The following PRKN variants were observed in gnomAD, a reference collection of about 807,000 sequenced individuals.
PRKN encodes the protein E3 ubiquitin-protein ligase parkin.
PRKN carries 56 observed loss-of-function variants against 59.5 expected under a neutral mutation model. The ratio of observed to expected loss-of-function variants is 0.94; its 90% CI spans 0.76 to 1.18. The LOEUF (loss-of-function observed/expected upper bound fraction) is 1.18. Among genes scored for constraint, PRKN ranks in the 50% most tolerant of loss-of-function variants. The probability of loss-of-function intolerance (pLI) is 0.00; values close to 1 mark genes in which losing one functional copy is unlikely to be tolerated. For missense variants in PRKN, 657 were observed against 596.4 expected (o/e 1.10, Z -1.06); for synonymous variants, 250 against 222.1 (o/e 1.13, Z -1.12).
At position 162,583,272 on chromosome 6, in the gene PRKN, G is replaced by A. The variant is rs1780860224; in HGVS notation, c.8-139799C>T. ...CACATTACCTAGTCTGTGATATTCT[G>A]TTATAGCAGCATAAATGCACTAAGA... On this transcript the variant is annotated intron_variant, in intron 1 of 11. Coordinates refer to ENST00000366898, the MANE Select transcript of PRKN (RefSeq NM_004562.3). Among the ~76,000 whole-genome samples the A allele has an allele frequency of 2.6e-5, 4 of 152,296 alleles. No individual in the cohort carries two copies. In the East Asian group the frequency reaches 5.8e-4, roughly 22 times the overall value.
intron 1 of PRKN, among the ~76,000 whole-genome samples, chr6:162,715,195 AC>A (rs1012254885): frequency 6.6e-6 from 1 of 152,288 alleles, no homozygotes; most frequent in Non-Finnish European, 1.5e-5. Context: ...GTGGGGCCCC[AC>A]CCCAAAGGTT....
chr6:162,089,279 C>A (rs930578737), intron 4 of PRKN, among the ~76,000 whole-genome samples: 1 of 151,950 alleles, frequency 6.6e-6, no homozygotes, highest in African/African-American at 2.4e-5. Flanking sequence ...TACAAATGGC[C>A]CAATAAACTC....
chr6:162,685,203 A>G (rs2128233734), intron 1 of PRKN, among the ~76,000 whole-genome samples: 1 of 152,268 alleles, frequency 6.6e-6, no homozygotes. Context: ...TATGCCACGA[A>G]GCATGTTGCA....
Position 161,538,825 on chromosome 6 carries a change from C to G in PRKN, c.1083+10029G>C, listed in dbSNP as rs1330161719. On this transcript the variant is annotated intron_variant, in intron 9 of 11. Transcript: ENST00000366898. This position sits in a 1 kb window ranked among gnomAD's most constrained non-coding sequence, Gnocchi z 4.2. The stretch of plus-strand genomic sequence containing the variant: ...AATAACTGATCGACTTAGCCTTTCC[C>G]AGTGGAATGTTGGACAAGCGAGAGA... 1.3e-5 allele frequency among the ~76,000 whole-genome samples: 2 copies of G among 152,146 alleles called. No individual in the cohort carries two copies. The highest frequency in any genetic ancestry group is 3.9e-4 in the East Asian group (2 of 5,186).
At chr6:162,520,264 T>A (rs951158043) in intron 1 of PRKN, among the ~76,000 whole-genome samples, 1 of 152,236 alleles carries the variant, frequency 6.6e-6, no homozygotes, top group Non-Finnish European at 1.5e-5. Context: ...AAAATTAACA[T>A]AAATTTCATT....
chr6:162,609,610 A>G (rs552344939), intron 1 of PRKN, among the ~76,000 whole-genome samples: 1 of 152,332 alleles, frequency 6.6e-6, no homozygotes, highest in African/African-American at 2.4e-5. Context: ...TTGTAGGATC[A>G]AAATCAACAT....
At position 162,714,603 on chromosome 6, in the gene PRKN, A is replaced by G. The variant is rs7748649; in HGVS notation, c.7+13059T>C. Among the ~76,000 whole-genome samples, 474 of 152,316 alleles carry G rather than the reference A, an allele frequency of 3.1e-3. 2 individuals carry two copies. Among genetic ancestry groups the G allele is most frequent in the African/African-American group, 0.01 (430 of 41,572 alleles). On this transcript the variant is annotated intron_variant, in intron 1 of 11. Transcript: ENST00000366898. ...TTAAATTGAAATGATTGGATCAAGA[A>G]AAATCAAATGTTTTAACATTTAGTT...
intron 4 of PRKN, among the ~76,000 whole-genome samples, chr6:162,102,480 T>C (rs1016723773): frequency 6.6e-6 from 1 of 152,224 alleles, no homozygotes; most frequent in Non-Finnish European, 1.5e-5. Flanking sequence ...ACATTATTAA[T>C]CTTAAAAGAT....
rs1562455620 is a variant in PRKN, at chr6:161,447,167, C to A, written c.1084-60290G>T. ...TTTCCTGCTACTAGGACAGTTAAGT[C>A]CCCCTGTGAAGTTAACCGAAAGCTG... On this transcript the variant is annotated intron_variant, in intron 9 of 11. Coordinates refer to ENST00000366898, the MANE Select transcript of PRKN (RefSeq NM_004562.3). The surrounding 1 kb of genome is among the most constrained non-coding windows in gnomAD (Gnocchi z 4.1). 2.0e-5 allele frequency among the ~76,000 whole-genome samples: 3 copies of A among 152,154 alleles called. No individual in the cohort carries two copies. The highest frequency in any genetic ancestry group is 4.4e-5 in the Non-Finnish European group (3 of 68,024).
chr6:162,390,396 T>TATATATATATATATATATATATATAC lies in PRKN; in HGVS notation c.171+52913_171+52914insGTATATATATATATATATATATATAT, dbSNP rs1180636201. On this transcript the variant is annotated intron_variant, in intron 2 of 11. Coordinates refer to ENST00000366898, the MANE Select transcript of PRKN (RefSeq NM_004562.3). ...TAAGGTATATATATATATATATATATACACACACACACACACACACACACA... is the reference window on the plus strand; with the variant it reads ...TAAGGTATATATATATATATATATATATATATATATATATATATATATATACACACACACACACACACACACACACA... 8.9e-3 allele frequency among the ~76,000 whole-genome samples: 738 copies of TATATATATATATATATATATATATAC among 83,328 alleles called. 2 individuals are homozygous for TATATATATATATATATATATATATAC. The highest frequency in any genetic ancestry group is 0.012 in the Non-Finnish European group (499 of 40,970). 54.7% of individuals were successfully genotyped at this position (83,328 alleles called of 152,430 possible). A position where few individuals can be genotyped will look rare whatever the true frequency, so the allele number is the denominator to read the frequency against.
chr6:161,511,033 A>C (rs2115331562), intron 9 of PRKN, among the ~76,000 whole-genome samples: 1 of 152,348 alleles, frequency 6.6e-6, no homozygotes, highest in South Asian at 2.1e-4. Context: ...GCTATAGAAA[A>C]TGAAGTAATC....
rs1228865937 is a variant in PRKN, at chr6:161,484,538, G to A, written c.1083+64316C>T. On this transcript the variant is annotated intron_variant, in intron 9 of 11. Transcript: ENST00000366898. The surrounding 1 kb of genome is among the most constrained non-coding windows in gnomAD (Gnocchi z 4.9). ...CATGGGATTCACTCTTTTTAAAGATGAGACAGTTGACACTTGGGAAGCTTA... is the reference window on the plus strand; with the variant it reads ...CATGGGATTCACTCTTTTTAAAGATAAGACAGTTGACACTTGGGAAGCTTA... Among the ~76,000 whole-genome samples the A allele has an allele frequency of 6.6e-6, 1 of 152,162 alleles. No homozygotes were observed. The highest frequency in any genetic ancestry group is 1.5e-5 in the Non-Finnish European group (1 of 68,034).
intron 5 of PRKN, among the ~76,000 whole-genome samples, chr6:162,032,885 T>C (rs1353256336): frequency 6.6e-6 from 1 of 152,174 alleles, no homozygotes; most frequent in Admixed American, 6.5e-5. Context: ...GAGATAAATA[T>C]GACAAAACAA....
At chr6:162,252,620 G>A (rs1489470384) in intron 3 of PRKN, among the ~76,000 whole-genome samples, 1 of 152,162 alleles carries the variant, frequency 6.6e-6, no homozygotes, top group Non-Finnish European at 1.5e-5. Context: ...GAGCTGCTGT[G>A]CTCCCTCCAC....
intron 1 of PRKN, among the ~76,000 whole-genome samples, chr6:162,723,142 C>T (rs1778999316): frequency 6.6e-6 from 1 of 152,160 alleles, no homozygotes; most frequent in African/African-American, 2.4e-5. Flanking sequence ...TCGGAATATA[C>T]ATTCCTGATG....
intron 6 of PRKN, among the ~76,000 whole-genome samples, chr6:161,965,558 G>T (rs1780546218): frequency 6.6e-6 from 1 of 152,020 alleles, no homozygotes; most frequent in South Asian, 2.1e-4. Context: ...GATTTATTTT[G>T]AGCCAAATAT....
chr6:161,507,890 A>C (rs769444480), intron 9 of PRKN, among the ~76,000 whole-genome samples: 1 of 152,186 alleles, frequency 6.6e-6, no homozygotes, highest in Non-Finnish European at 1.5e-5. Context: ...TTGTATGCTC[A>C]GTGCAAAACA....
intron 7 of PRKN, among the ~76,000 whole-genome samples, chr6:161,714,444 A>AACAAAACCAAATAAAATT (rs1786885766): frequency 1.3e-5 from 2 of 152,204 alleles, no homozygotes; most frequent in Non-Finnish European, 2.9e-5. Flanking sequence ...AGACACAGCA[A>AACAAAACCAAATAAAATT]GGAGGTGTCA....
intron 6 of PRKN, among the ~76,000 whole-genome samples, chr6:161,880,101 G>T (rs1794876472): frequency 6.6e-6 from 1 of 152,036 alleles, no homozygotes; most frequent in South Asian, 2.1e-4. Context: ...TTTAATTTTA[G>T]AAAAACACAT....
Sources: gnomAD v4.1 joint callset for allele counts (sites outside exome capture counted in the v4.1 genomes callset) on GRCh38, gnomAD v4.1.1 for gene constraint, Gnocchi (gnomAD v3.1) non-coding constraint, MANE v1.5 for transcripts, NCBI Gene and HGNC (gene_info 2026-07-23, HGNC 2026-07-21) for gene names.